The following ST8SIA1 variants were observed in gnomAD, a reference collection of about 807,000 sequenced individuals.
The protein encoded by ST8SIA1 is alpha-N-acetylneuraminide alpha-2,8-sialyltransferase.
A neutral mutation model predicts 35.9 loss-of-function variants in ST8SIA1; 16 were observed. That is an observed-to-expected ratio of 0.45 (90% CI 0.30 to 0.68). The LOEUF (loss-of-function observed/expected upper bound fraction) is 0.68, where lower values mean the gene tolerates loss of function less well. Among genes scored for constraint, ST8SIA1 ranks in the 30% least tolerant of loss-of-function variants. The probability of loss-of-function intolerance (pLI) is 0.09; values close to 1 mark genes in which losing one functional copy is unlikely to be tolerated. For missense variants in ST8SIA1, 383 were observed against 453.6 expected (o/e 0.84, Z 1.41); for synonymous variants, 170 against 169.6 (o/e 1.00, Z -0.02).
intron 2 of ST8SIA1, among the ~76,000 whole-genome samples, chr12:22,273,256 A>T (rs966958312): frequency 6.6e-6 from 1 of 152,094 alleles, no homozygotes; most frequent in African/African-American, 2.4e-5. Context: ...CCTCTGATTG[A>T]TCCCCACCGT....
intron 1 of ST8SIA1, among the ~76,000 whole-genome samples, chr12:22,329,007 G>C (rs1043569880): frequency 6.6e-6 from 1 of 152,196 alleles, no homozygotes; most frequent in Non-Finnish European, 1.5e-5. Flanking sequence ...AAGGCAGGAA[G>C]ATGTGGCCTT....
At chr12:22,216,386 G>A (rs2418055) in intron 4 of ST8SIA1, among the ~76,000 whole-genome samples, 117,643 of 151,996 alleles carry the variant, frequency 0.77, 45,725 homozygotes, top group South Asian at 0.93. Context: ...TGCCCTGCCC[G>A]ATTACTTGGT....
chr12:22,272,519 C>T (rs1477956247), intron 2 of ST8SIA1, among the ~76,000 whole-genome samples: 2 of 152,222 alleles, frequency 1.3e-5, no homozygotes, highest in Admixed American at 6.5e-5. Context: ...GTTTCCTAAA[C>T]ATATTGGCTC....
Position 22,249,467 on chromosome 12 carries a change from G to A in ST8SIA1, c.492-369C>T, listed in dbSNP as rs143294429. Among the ~76,000 whole-genome samples, 663 of 152,122 alleles carry A rather than the reference G, an allele frequency of 4.4e-3. 4 individuals carry two copies. The highest frequency in any genetic ancestry group is 0.015 in the African/African-American group (637 of 41,512). ...GATCTCCTGACCTTGTGATCTGCCCGCCTTGGCCTCCCAAAGTACTGGGAT... is the reference window on the plus strand; with the variant it reads ...GATCTCCTGACCTTGTGATCTGCCCACCTTGGCCTCCCAAAGTACTGGGAT... On this transcript the variant is annotated intron_variant, in intron 3 of 4. Transcript: ENST00000396037.
chr12:22,306,961 T>C (rs1866391537), intron 1 of ST8SIA1, among the ~76,000 whole-genome samples: 1 of 152,208 alleles, frequency 6.6e-6, no homozygotes, highest in African/African-American at 2.4e-5. Context: ...ACAAAAAGTC[T>C]TTCTTGGCTT....
chr12:22,209,762 T>A (rs924516433), intron 4 of ST8SIA1, among the ~76,000 whole-genome samples: 4 of 152,204 alleles, frequency 2.6e-5, no homozygotes, highest in Non-Finnish European at 5.9e-5. Flanking sequence ...TTTTACAACA[T>A]CTTTGTTGTA....
chr12:22,244,234 G>A (rs1865573152), intron 4 of ST8SIA1, among the ~76,000 whole-genome samples: 1 of 151,974 alleles, frequency 6.6e-6, no homozygotes, highest in Admixed American at 6.6e-5. Flanking sequence ...ATCTATTGAA[G>A]AGTGCATCTA....
intron 1 of ST8SIA1, among the ~76,000 whole-genome samples, chr12:22,326,588 G>A (rs983969413): frequency 6.6e-6 from 1 of 152,190 alleles, no homozygotes; most frequent in African/African-American, 2.4e-5. Flanking sequence ...ACCAGGATTA[G>A]ATCCTTATCT....
chr12:22,238,999 A>C lies in ST8SIA1; in HGVS notation c.584+10007T>G, dbSNP rs1475519697. Among the ~76,000 whole-genome samples the C allele has an allele frequency of 3.3e-5, 5 of 152,290 alleles. No homozygotes were observed. The South Asian group carries it at 1.0e-3, about 32-fold the overall frequency. On this transcript the variant is annotated intron_variant, in intron 4 of 4. Coordinates refer to ENST00000396037, the MANE Select transcript of ST8SIA1 (RefSeq NM_003034.4). ...AATAGATTGCAGAATATACATTTCT[A>C]TGTTGATAGTTTCTCTCTCAGCACT... is the stretch of plus-strand genomic sequence containing the variant.
chr12:22,220,980 T>C (rs1054847922), intron 4 of ST8SIA1, among the ~76,000 whole-genome samples: 11 of 152,348 alleles, frequency 7.2e-5, no homozygotes, highest in African/African-American at 1.2e-4. Context: ...TTTCTACATA[T>C]TGGCAGTGTG....
Position 22,267,102 on chromosome 12 carries a change from T to A in ST8SIA1, c.382-11713A>T, listed in dbSNP as rs115925757. On this transcript the variant is annotated intron_variant, in intron 2 of 4. Transcript: ENST00000396037. ...ATTTATTGAGTGCCAACTAACCATATACCAGTCACTGTATGAGATGCTGGG... is the reference window on the plus strand; with the variant it reads ...ATTTATTGAGTGCCAACTAACCATAAACCAGTCACTGTATGAGATGCTGGG... Among the ~76,000 whole-genome samples the A allele has an allele frequency of 3.5e-3, 538 of 152,318 alleles. 3 individuals carry two copies. Among genetic ancestry groups the A allele is most frequent in the African/African-American group, 0.012 (503 of 41,574 alleles).
chr12:22,328,749 A>C lies in ST8SIA1; in HGVS notation c.236+5248T>G, dbSNP rs1208430899. 3.3e-5 allele frequency among the ~76,000 whole-genome samples: 5 copies of C among 152,220 alleles called. No homozygotes were observed. In the East Asian group the frequency reaches 7.7e-4, roughly 23 times the overall value. ...AGGGAAGCCACCTTGAGGCGAACTA[A>C]CAAGGACTGAGCATTAATTATATAC... On this transcript the variant is annotated intron_variant, in intron 1 of 4. Coordinates refer to ENST00000396037, the MANE Select transcript of ST8SIA1 (RefSeq NM_003034.4).
At chr12:22,307,546 G>T (rs887915155) in intron 1 of ST8SIA1, among the ~76,000 whole-genome samples, 2 of 152,088 alleles carry the variant, frequency 1.3e-5, no homozygotes, top group African/African-American at 2.4e-5. Context: ...CTGTGGGTAG[G>T]GGGAGAGCAG....
intron 1 of ST8SIA1, among the ~76,000 whole-genome samples, chr12:22,308,306 C>A (rs1461844875): frequency 6.6e-6 from 1 of 151,944 alleles, no homozygotes; most frequent in Non-Finnish European, 1.5e-5. Flanking sequence ...TAAAAGATAA[C>A]AAAGAAGAAA....
At chr12:22,264,039 C>T (rs964774205) in intron 2 of ST8SIA1, among the ~76,000 whole-genome samples, 1 of 152,056 alleles carries the variant, frequency 6.6e-6, no homozygotes, top group Non-Finnish European at 1.5e-5. Flanking sequence ...TTTCTATATA[C>T]CCTCACCCAC....
intron 1 of ST8SIA1, among the ~76,000 whole-genome samples, chr12:22,331,982 C>T (rs1267013550): frequency 6.6e-6 from 1 of 152,172 alleles, no homozygotes; most frequent in Non-Finnish European, 1.5e-5. Flanking sequence ...AACCTTCTAA[C>T]AACTCTGCAA....
At chr12:22,317,284 A>G (rs908645156) in intron 1 of ST8SIA1, among the ~76,000 whole-genome samples, 4 of 152,158 alleles carry the variant, frequency 2.6e-5, no homozygotes, top group Admixed American at 2.6e-4. Context: ...TTATTACGTG[A>G]TTTGATTTTT....
chr12:22,205,213 A>G (rs1391373359), intron 4 of ST8SIA1, among the ~76,000 whole-genome samples: 1 of 152,226 alleles, frequency 6.6e-6, no homozygotes. Context: ...TTGAAAACAA[A>G]GGACAAGTTC....
At chr12:22,292,730 C>T (rs1866193492) in intron 1 of ST8SIA1, among the ~76,000 whole-genome samples, 1 of 152,092 alleles carries the variant, frequency 6.6e-6, no homozygotes, top group Admixed American at 6.5e-5. Flanking sequence ...GAACAATACA[C>T]ATTGGGGAGC....
Sources: allele counts gnomAD v4.1 joint callset (sites outside exome capture counted in the v4.1 genomes callset), GRCh38; gene constraint gnomAD v4.1.1; transcripts MANE v1.5; gene names NCBI Gene and HGNC (gene_info 2026-07-23, HGNC 2026-07-21).